SH3BGRL2: variants seen among roughly 807,000 people sequenced by gnomAD.
SH3BGRL2 encodes SH3 domain binding glutamate rich protein like 2.
In SH3BGRL2, 21 loss-of-function variants were observed where a neutral mutation model predicts 14.8. That is an observed-to-expected ratio of 1.42 (90% confidence interval 1.01 to 2.05). The LOEUF (loss-of-function observed/expected upper bound fraction) is 2.05. Among genes scored for constraint, SH3BGRL2 ranks in the 30% most tolerant of loss-of-function variants. The pLI is 0.00. For synonymous variants in SH3BGRL2, 50 were observed against 47.8 expected (o/e 1.05, Z -0.19); for missense variants, 147 against 130.8 (o/e 1.12, Z -0.61).
At chr6:79,604,954 T>C in the SH3BGRL2 span, among the ~76,000 whole-genome samples, 2 of 152,222 alleles carry the variant, frequency 1.3e-5, no homozygotes, top group Non-Finnish European at 2.9e-5. Context: ...TTTCCAAATA[T>C]GGCTGCATCA....
the SH3BGRL2 span, among the ~76,000 whole-genome samples, chr6:79,554,331 T>G: frequency 6.6e-6 from 1 of 151,972 alleles, no homozygotes; most frequent in Non-Finnish European, 1.5e-5. Flanking sequence ...TTCCAGGGGG[T>G]AGGGGTGACA....
the SH3BGRL2 span, among the ~76,000 whole-genome samples, chr6:79,568,182 C>T: frequency 6.6e-6 from 1 of 152,036 alleles, no homozygotes. Context: ...CCTGAAGATG[C>T]GCACACCTAA....
At chr6:79,569,697 C>G in the SH3BGRL2 span, among the ~76,000 whole-genome samples, 1 of 152,112 alleles carries the variant, frequency 6.6e-6, no homozygotes, top group Admixed American at 6.5e-5. Context: ...TTGGAATGCC[C>G]TTGGGTCAGG....
the SH3BGRL2 span, among the ~76,000 whole-genome samples, chr6:79,601,232 G>A: frequency 6.6e-5 from 10 of 152,350 alleles, no homozygotes; most frequent in African/African-American, 2.2e-4. Flanking sequence ...CTGTGGCCCA[G>A]GCTGGAGTGC....
the SH3BGRL2 span, among the ~76,000 whole-genome samples, chr6:79,582,385 A>G: frequency 1.3e-5 from 2 of 152,186 alleles, no homozygotes; most frequent in Admixed American, 6.5e-5. Context: ...ACTTCAAACT[A>G]TACTACAAGG....
the SH3BGRL2 span, among the ~76,000 whole-genome samples, chr6:79,608,575 C>T: frequency 6.6e-6 from 1 of 152,092 alleles, no homozygotes; most frequent in Non-Finnish European, 1.5e-5. Flanking sequence ...AGAACTTCCT[C>T]CAAAAAGATT....
intron 1 of SH3BGRL2, among the ~76,000 whole-genome samples, chr6:79,651,809 A>T (rs1484650602): frequency 6.6e-6 from 1 of 152,186 alleles, no homozygotes; most frequent in African/African-American, 2.4e-5. Flanking sequence ...CCGTGGGTAT[A>T]AATGGGAGTT....
chr6:79,556,501 C>A, the SH3BGRL2 span, among the ~76,000 whole-genome samples: 5 of 151,934 alleles, frequency 3.3e-5, no homozygotes, highest in Non-Finnish European at 7.4e-5. Context: ...ATTTCAAGAA[C>A]AAAAATACTG....
At chr6:79,560,268 G>T in the SH3BGRL2 span, among the ~76,000 whole-genome samples, 87 of 152,300 alleles carry the variant, frequency 5.7e-4, no homozygotes, top group African/African-American at 2.0e-3. Flanking sequence ...GAAAAATAAA[G>T]GTTAGCATAA....
At chr6:79,663,789 G>A (rs947431202) in intron 1 of SH3BGRL2, among the ~76,000 whole-genome samples, 1 of 152,226 alleles carries the variant, frequency 6.6e-6, no homozygotes, top group African/African-American at 2.4e-5. Flanking sequence ...GTCTATAGAG[G>A]CTGTAGGCCC....
intron 1 of SH3BGRL2, among the ~76,000 whole-genome samples, chr6:79,642,200 G>A (rs2127724142): frequency 6.6e-6 from 1 of 152,234 alleles, no homozygotes; most frequent in Middle Eastern, 3.4e-3. Context: ...TACTGAACAT[G>A]TACAGACTTT....
the SH3BGRL2 span, among the ~76,000 whole-genome samples, chr6:79,603,517 G>A: frequency 6.6e-6 from 1 of 152,166 alleles, no homozygotes; most frequent in Non-Finnish European, 1.5e-5. Context: ...TCAAATGTAG[G>A]AGCAGGCAAA....
intron 1 of SH3BGRL2, among the ~76,000 whole-genome samples, chr6:79,671,870 T>C (rs17505891): frequency 0.078 from 11,948 of 152,326 alleles, 608 homozygotes; most frequent in Non-Finnish European, 0.11. Context: ...GTGACACATC[T>C]TCCTTCCTGA....
At chr6:79,654,616 T>C (rs1162916004) in intron 1 of SH3BGRL2, among the ~76,000 whole-genome samples, 2 of 152,228 alleles carry the variant, frequency 1.3e-5, no homozygotes, top group Non-Finnish European at 2.9e-5. Context: ...AAATTTATGC[T>C]TCATCTTGGT....
At chr6:79,582,633 A>T in the SH3BGRL2 span, among the ~76,000 whole-genome samples, 3 of 152,218 alleles carry the variant, frequency 2.0e-5, no homozygotes, top group Non-Finnish European at 4.4e-5. Flanking sequence ...ACAAAAATTA[A>T]TTCAAGATGG....
intron 1 of SH3BGRL2, among the ~76,000 whole-genome samples, chr6:79,650,023 C>T (rs1212629222): frequency 8.6e-6 from 1 of 116,650 alleles, no homozygotes; most frequent in Non-Finnish European, 1.9e-5. Flanking sequence ...ACACAGTTAC[C>T]CTAATTCTCC....
rs547925482 is a variant in SH3BGRL2 at position 79,698,163 on chromosome 6, C to T, written c.313-1335C>T. Among the ~76,000 whole-genome samples, 118 of 152,262 alleles carry T rather than the reference C, an allele frequency of 7.7e-4. 1 individual carries two copies. The highest frequency in any genetic ancestry group is 6.8e-3 in the Middle Eastern group (2 of 294). On this transcript the variant is annotated intron_variant, in intron 3 of 3. Coordinates refer to ENST00000369838, the MANE Select transcript of SH3BGRL2 (RefSeq NM_031469.4). ...TTTCAGGGACCTAAATCAGTTATAC[C>T]TGGACAGGAGTATCTGGGACCAGAG... is the stretch of plus-strand genomic sequence containing the variant.
At chr6:79,566,041 A>C in the SH3BGRL2 span, among the ~76,000 whole-genome samples, 4 of 152,162 alleles carry the variant, frequency 2.6e-5, no homozygotes, top group Non-Finnish European at 5.9e-5. Flanking sequence ...ATTAACTGAG[A>C]TGAGTGGTAT....
chr6:79,599,045 C>G, the SH3BGRL2 span, among the ~76,000 whole-genome samples: 1 of 145,978 alleles, frequency 6.9e-6, no homozygotes, highest in African/African-American at 2.5e-5. Context: ...TGCGCCATTG[C>G]ACTCCAGCCT....
Sources: allele counts gnomAD v4.1 joint callset (sites outside exome capture counted in the v4.1 genomes callset), GRCh38; gene constraint gnomAD v4.1.1; transcripts MANE v1.5; gene names NCBI Gene and HGNC (gene_info 2026-07-23, HGNC 2026-07-21).